The following PCDH11Y variants were observed in gnomAD, a reference collection of about 807,000 sequenced individuals.
The protein encoded by PCDH11Y is protocadherin-11 Y-linked.
For missense variants in PCDH11Y, 12 were observed against 224.8 expected (o/e 0.05, Z 6.05); for synonymous variants, 9 against 83.6 (o/e 0.11, Z 4.87).
intron 4 of PCDH11Y, among the ~76,000 whole-genome samples, chrY:5,589,420 T>G: frequency 3.0e-5 from 1 of 33,399 alleles, no homozygotes; most frequent in Admixed American, 2.7e-4. Flanking sequence ...TGGTTAAACT[T>G]CTGTTACCTT....
chrY:5,561,815 T>C (rs2053429011), intron 3 of PCDH11Y, among the ~76,000 whole-genome samples: 1 of 26,805 alleles, frequency 3.7e-5, no homozygotes, highest in Admixed American at 3.6e-4. Flanking sequence ...TCTTTTAAAA[T>C]GATAACTAAA....
chrY:5,654,370 C>T, intron 4 of PCDH11Y, among the ~76,000 whole-genome samples: 1 of 33,704 alleles, frequency 3.0e-5, no homozygotes, highest in Non-Finnish European at 7.4e-5. Flanking sequence ...CCTAGCAATT[C>T]CAGTACTGGG....
intron 2 of PCDH11Y, among the ~76,000 whole-genome samples, chrY:5,435,397 T>G (rs2053273695): frequency 3.8e-5 from 1 of 26,445 alleles, no homozygotes; most frequent in Non-Finnish European, 8.6e-5. Flanking sequence ...CACTGCGAGC[T>G]CCGCCACCCT....
intron 2 of PCDH11Y, among the ~76,000 whole-genome samples, chrY:5,179,058 T>C (rs2052897021): frequency 6.0e-5 from 2 of 33,226 alleles, no homozygotes; most frequent in Non-Finnish European, 1.5e-4. Context: ...TCCATGTCCT[T>C]GGTATTGTGA....
chrY:5,200,701 C>T, intron 2 of PCDH11Y, among the ~76,000 whole-genome samples: 1 of 32,950 alleles, frequency 3.0e-5, no homozygotes, highest in African/African-American at 1.2e-4. Flanking sequence ...ATCCTCCCAC[C>T]TCACCCTTCT....
At chrY:5,061,344 C>T in intron 1 of PCDH11Y, among the ~76,000 whole-genome samples, 1 of 33,608 alleles carries the variant, frequency 3.0e-5, no homozygotes, top group African/African-American at 1.2e-4. Flanking sequence ...CATCGTACTA[C>T]ACATTGCAGT....
chrY:5,271,046 C>A, intron 2 of PCDH11Y, among the ~76,000 whole-genome samples: 6 of 33,608 alleles, frequency 1.8e-4, no homozygotes, highest in Admixed American at 1.1e-3. Context: ...AAAATATAAT[C>A]TTTGGAAAGT....
intron 3 of PCDH11Y, among the ~76,000 whole-genome samples, chrY:5,529,126 A>G: frequency 3.0e-5 from 1 of 33,419 alleles, no homozygotes; most frequent in Non-Finnish European, 7.5e-5. Context: ...GTATAATTGG[A>G]AAAATTGCCT....
At chrY:5,422,296 G>A in intron 2 of PCDH11Y, among the ~76,000 whole-genome samples, 1 of 23,157 alleles carries the variant, frequency 4.3e-5, no homozygotes, top group Admixed American at 4.3e-4. Context: ...AAAGAAATTA[G>A]ACACCAATAA....
exon 1 of PCDH11Y, chrY:5,056,272 T>A: frequency 1.7e-5 from 1 of 57,257 alleles, no homozygotes; most frequent in Non-Finnish European, 2.8e-5. Context: ...TTTCACATGA[T>A]AGTTGTTACC....
intron 2 of PCDH11Y, among the ~76,000 whole-genome samples, chrY:5,349,300 G>A: frequency 3.1e-5 from 1 of 32,737 alleles, no homozygotes; most frequent in Non-Finnish European, 7.4e-5. Flanking sequence ...GAATGTTAAT[G>A]TAAATATTCC....
At chrY:5,209,951 A>T in intron 2 of PCDH11Y, among the ~76,000 whole-genome samples, 1 of 33,566 alleles carries the variant, frequency 3.0e-5, no homozygotes, top group Non-Finnish European at 7.4e-5. Flanking sequence ...AATCCCAGCT[A>T]CTCAGGAGGC....
chrY:5,023,767 A>G (rs2052574269), intron 1 of PCDH11Y, among the ~76,000 whole-genome samples: 1 of 33,457 alleles, frequency 3.0e-5, no homozygotes, highest in Non-Finnish European at 7.4e-5. Flanking sequence ...CATAATTTAG[A>G]TCAATTAATT....
At chrY:5,383,896 C>T (rs2124674629) in intron 2 of PCDH11Y, among the ~76,000 whole-genome samples, 8 of 33,388 alleles carry the variant, frequency 2.4e-4, no homozygotes, top group South Asian at 6.7e-4. Flanking sequence ...GGATTACAGG[C>T]GTGAGCCACT....
intron 2 of PCDH11Y, among the ~76,000 whole-genome samples, chrY:5,340,023 C>A: frequency 3.1e-5 from 1 of 32,351 alleles, no homozygotes; most frequent in Non-Finnish European, 7.5e-5. Context: ...TTAAGGAGAA[C>A]TGACTCACAG....
chrY:5,148,708 C>T (rs2124643276), intron 2 of PCDH11Y, among the ~76,000 whole-genome samples: 1 of 32,826 alleles, frequency 3.0e-5, no homozygotes, highest in East Asian at 8.1e-4. Flanking sequence ...CTGCCTTAAA[C>T]CTGCTCAGAA....
intron 2 of PCDH11Y, among the ~76,000 whole-genome samples, chrY:5,224,740 T>C (rs2052957939): frequency 3.0e-5 from 1 of 32,993 alleles, no homozygotes; most frequent in Non-Finnish European, 7.5e-5. Flanking sequence ...AAATTGAATG[T>C]TTCACCTGAA....
rs2124678239 is a variant in PCDH11Y, at chrY:5,410,184, A to G, written c.3130-90873A>G. Among the ~76,000 whole-genome samples, 6 of 31,966 alleles carry G rather than the reference A, an allele frequency of 1.9e-4. No homozygotes were observed. The South Asian group carries it at 4.2e-3, about 23-fold the overall frequency. 85.8% of individuals were successfully genotyped at this position (31,966 alleles called of 37,273 possible). ...GGAGTTCGAGACCAGTCTGGCTAACATGGTGAAACCTCATCTCTACTAAAA... is the reference window on the plus strand; with the variant it reads ...GGAGTTCGAGACCAGTCTGGCTAACGTGGTGAAACCTCATCTCTACTAAAA... On this transcript the variant is annotated intron_variant, in intron 2 of 4. Transcript: ENST00000400457.
chrY:5,318,710 AAT>A (rs2053109564), intron 2 of PCDH11Y, among the ~76,000 whole-genome samples: 2 of 25,077 alleles, frequency 8.0e-5, no homozygotes, highest in East Asian at 9.4e-4. Context: ...ACAAAAAAGT[AAT>A]ATGTGTGTGT....
Sources: allele counts gnomAD v4.1 joint callset (sites outside exome capture counted in the v4.1 genomes callset), GRCh38; gene constraint gnomAD v4.1.1; transcripts MANE v1.5; gene names NCBI Gene and HGNC (gene_info 2026-07-23, HGNC 2026-07-21).